The following ADAP1 variants were observed in gnomAD, a reference collection of about 807,000 sequenced individuals.
The protein encoded by ADAP1 is ArfGAP with dual PH domains 1, also known as arf-GAP with dual PH domain-containing protein 1.
In ADAP1, 31 loss-of-function variants were observed where a neutral mutation model predicts 54.9. The ratio of observed to expected loss-of-function variants is 0.56; its 90% CI spans 0.42 to 0.76. The LOEUF is 0.76. Among genes scored for constraint, ADAP1 ranks in the 30% least tolerant of loss-of-function variants. The pLI is 0.00. For missense variants in ADAP1, 535 were observed against 512.4 expected (o/e 1.04, Z -0.42); for synonymous variants, 313 against 202.6 (o/e 1.55, Z -4.63).
chr7:955,210 C>A, upstream of ADAP1: 1 of 1,265,050 alleles, frequency 7.9e-7, no homozygotes, highest in East Asian at 2.6e-5. Flanking sequence ...CTGGGCACCC[C>A]TCCCACTCAG....
intron 2 of ADAP1, chr7:927,063 A>G: frequency 7.8e-7 from 1 of 1,289,298 alleles, no homozygotes; most frequent in Non-Finnish European, 1.0e-6. Context: ...CACATTTAGC[A>G]AAGAGCCAAC....
chr7:926,880 AG>A lies in ADAP1; in HGVS notation c.214-237del. The A allele has an allele frequency of 6.4e-6, 6 of 942,858 alleles. No homozygotes were observed. Among genetic ancestry groups the A allele is most frequent in the Non-Finnish European group, 7.4e-6 (5 of 676,164 alleles). The allele number at this position is 942,858 out of a possible 1,614,324, so 58.4% of individuals were successfully genotyped here. On this transcript the variant is annotated intron_variant, in intron 2 of 10. Transcript: ENST00000265846. The surrounding 1 kb of genome is among the most constrained non-coding windows in gnomAD (Gnocchi z 4.6). Reference sequence around the variant, plus strand: ...GTCCCTAACGACGGGGTCCCGGCAAAGGGGGCCCAGGGGCCAGGCCCCTTTT... The same window carrying A: ...GTCCCTAACGACGGGGTCCCGGCAAAGGGGCCCAGGGGCCAGGCCCCTTTT...
In ADAP1 at chr7:945,627, G is replaced by A. The variant is rs1006323315; in HGVS notation, c.82+8769C>T. The A allele has an allele frequency of 1.7e-6, 1 of 597,530 alleles. No individual in the cohort carries two copies. Among genetic ancestry groups the A allele is most frequent in the African/African-American group, 2.0e-5 (1 of 49,632 alleles). The allele number at this position is 597,530 out of a possible 1,614,324, so 37.0% of individuals were successfully genotyped here. A position where few individuals can be genotyped will look rare whatever the true frequency, so the allele number is the denominator to read the frequency against. ...GGAGGCCCTGAGTGCCAGGTAGGGA[G>A]GGGCAGGCCCAAGACTCCAGCCCCC... On this transcript the variant is annotated intron_variant, in intron 1 of 10. Transcript: ENST00000265846. This position sits in a 1 kb window ranked among gnomAD's most constrained non-coding sequence, Gnocchi z 4.2.
At position 920,887 on chromosome 7, in the gene ADAP1, T is replaced by A. The variant is rs1846169906; in HGVS notation, c.306-837A>T. 1 of 1,549,650 alleles carries A rather than the reference T, an allele frequency of 6.5e-7. No homozygotes were observed. Among genetic ancestry groups the A allele is most frequent in the South Asian group, 1.2e-5 (1 of 84,056 alleles). On this transcript the variant is annotated intron_variant, in intron 3 of 10. Transcript: ENST00000265846. The surrounding 1 kb of genome is among the most constrained non-coding windows in gnomAD (Gnocchi z 4.5). ...CCAGCCTTTTCCACTCCCAGGGAAT[T>A]ACGCGGCAAAGAACAAATAGGAACC...
chr7:908,037 G>A (rs1379139977), intron 4 of ADAP1, among the ~76,000 whole-genome samples: 1 of 152,194 alleles, frequency 6.6e-6, no homozygotes, highest in East Asian at 1.9e-4. Flanking sequence ...ACCCCTCAGT[G>A]ACTTCAGAGA....
rs1157984839 is a variant in ADAP1 at position 906,737 on chromosome 7, C to G, written c.389-1565G>C. On this transcript the variant is annotated intron_variant, in intron 4 of 10. Coordinates refer to ENST00000265846, the MANE Select transcript of ADAP1 (RefSeq NM_006869.4). The stretch of plus-strand genomic sequence containing the variant: ...GACATCGGGGACGGGACATGGGGGA[C>G]AGAGTACATAGGGGACATGGACAGG... Among the ~76,000 whole-genome samples the G allele has an allele frequency of 4.8e-4, 18 of 37,340 alleles. 1 individual carries two copies. Among genetic ancestry groups the G allele is most frequent in the South Asian group, 8.3e-4 (1 of 1,200 alleles). 24.5% of individuals were successfully genotyped at this position (37,340 alleles called of 152,430 possible). A position where few individuals can be genotyped will look rare whatever the true frequency, so the allele number is the denominator to read the frequency against.
intron 4 of ADAP1, among the ~76,000 whole-genome samples, chr7:907,989 G>A (rs1449325632): frequency 6.6e-6 from 1 of 151,996 alleles, no homozygotes; most frequent in Non-Finnish European, 1.5e-5. Context: ...TCCCGGGGTC[G>A]TGGGGCCGTC....
At chr7:930,471 T>A (rs1447644219) in intron 2 of ADAP1, among the ~76,000 whole-genome samples, 258 of 148,212 alleles carry the variant, frequency 1.7e-3, no homozygotes, top group Middle Eastern at 0.011. Flanking sequence ...AGGTCAGGAG[T>A]TTGAGACCAG....
chr7:929,315 A>G (rs6967691), intron 2 of ADAP1, among the ~76,000 whole-genome samples: 3,990 of 151,420 alleles, frequency 0.026, 173 homozygotes, highest in African/African-American at 0.09. Flanking sequence ...AAAGAGCAAC[A>G]CAATTCTGAC....
At chr7:917,426 C>G (rs549453361) in intron 4 of ADAP1, among the ~76,000 whole-genome samples, 87 of 152,244 alleles carry the variant, frequency 5.7e-4, no homozygotes, top group African/African-American at 2.0e-3. Flanking sequence ...CTGAACCCAC[C>G]TACAACACCA....
At chr7:905,574 A>AAAGGG (rs1845172105) in intron 4 of ADAP1, 4 of 21,938 alleles carry the variant, frequency 1.8e-4, no homozygotes, top group African/African-American at 3.6e-4. Flanking sequence ...AGGAGAAAGG[A>AAAGGG]GAAAGGAGAA....
chr7:905,272 C>CACG (rs1554271602), intron 4 of ADAP1, 100 bp from the exon 5 acceptor site: 2 of 318,772 alleles, frequency 6.3e-6, no homozygotes, highest in South Asian at 2.8e-5. Flanking sequence ...GGAGAAGACA[C>CACG]GGGGGACACG....
intron 2 of ADAP1, among the ~76,000 whole-genome samples, chr7:930,516 A>AT (rs199686411): frequency 0.15 from 21,141 of 144,624 alleles, 1,611 homozygotes; most frequent in Non-Finnish European, 0.17. Context: ...TCACTACAAA[A>AT]TTTTTTTTTT....
In ADAP1 at chr7:936,523, C is replaced by T. The variant is rs1472648556; in HGVS notation, c.83-1018G>A. 3.3e-5 allele frequency among the ~76,000 whole-genome samples: 5 copies of T among 152,316 alleles called. No homozygotes were observed. In the East Asian group the frequency reaches 9.7e-4, roughly 29 times the overall value. On this transcript the variant is annotated intron_variant, in intron 1 of 10. Coordinates refer to ENST00000265846, the MANE Select transcript of ADAP1 (RefSeq NM_006869.4). ...CCACAGCGCAGTCTTTCTGCTGCTGCACGTGTGAAATGTCTCATTCTGAAA... is the reference window on the plus strand; with the variant it reads ...CCACAGCGCAGTCTTTCTGCTGCTGTACGTGTGAAATGTCTCATTCTGAAA...
rs78536202 is a variant in ADAP1, at chr7:938,689, T to C, written c.83-3184A>G. ...GGCCTCGGTCTCCTCATCTGTCGGA[T>C]GGGACAGCACGAGCCACTTACAGGG... On this transcript the variant is annotated intron_variant, in intron 1 of 10. Coordinates refer to ENST00000265846, the MANE Select transcript of ADAP1 (RefSeq NM_006869.4). The surrounding 1 kb of genome is among the most constrained non-coding windows in gnomAD (Gnocchi z 4.4). 0.019 allele frequency among the ~76,000 whole-genome samples: 2,903 copies of C among 152,212 alleles called. 80 individuals carry two copies. The highest frequency in any genetic ancestry group is 0.057 in the African/African-American group (2,348 of 41,526).
intron 1 of ADAP1, among the ~76,000 whole-genome samples, chr7:942,742 GGA>G (rs1190450749): frequency 2.4e-5 from 1 of 41,150 alleles, no homozygotes; most frequent in Non-Finnish European, 4.9e-5. Context: ...GAGGAGGAAG[GGA>G]GAGAGGAGGA....
At chr7:903,213 T>G (rs73252058) in intron 6 of ADAP1, among the ~76,000 whole-genome samples, 1 of 152,020 alleles carries the variant, frequency 6.6e-6, no homozygotes, top group Non-Finnish European at 1.5e-5. Context: ...GATCACAGCG[T>G]GCTCTGAGGC....
At chr7:903,023 G>C (rs942015273) in intron 6 of ADAP1, among the ~76,000 whole-genome samples, 2 of 152,144 alleles carry the variant, frequency 1.3e-5, no homozygotes, top group Non-Finnish European at 2.9e-5. Context: ...AAAGACGTAG[G>C]ACCCGGGCAG....
chr7:951,484 G>A (rs750625158), intron 1 of ADAP1, among the ~76,000 whole-genome samples: 3 of 152,104 alleles, frequency 2.0e-5, no homozygotes, highest in African/African-American at 7.2e-5. Context: ...CACCCATGCC[G>A]GCCAAATTCC....
Sources: allele counts gnomAD v4.1 joint callset (sites outside exome capture counted in the v4.1 genomes callset), GRCh38; gene constraint gnomAD v4.1.1; non-coding constraint Gnocchi (gnomAD v3.1); transcripts MANE v1.5; gene names NCBI Gene and HGNC (gene_info 2026-07-23, HGNC 2026-07-21).